The following TPO variants were observed in gnomAD, a reference collection of about 807,000 sequenced individuals.
The protein encoded by TPO is thyroid peroxidase.
A neutral mutation model predicts 96.9 loss-of-function variants in TPO; 78 were observed. The observed-to-expected ratio is 0.81, with a 90% CI of 0.67 to 0.97. TPO has a LOEUF of 0.97. Ranked by LOEUF, TPO falls within the 50% of genes least tolerant of loss-of-function variation. The probability of loss-of-function intolerance (pLI) is 0.00; values close to 1 mark genes in which losing one functional copy is unlikely to be tolerated. For synonymous variants in TPO, 547 were observed against 538.0 expected (o/e 1.02, Z -0.23); for missense variants, 1,252 against 1,274.8 (o/e 0.98, Z 0.27).
At chr2:1,388,472 A>G (rs541470458) in intron 1 of TPO, among the ~76,000 whole-genome samples, 2 of 152,278 alleles carry the variant, frequency 1.3e-5, no homozygotes, top group South Asian at 4.2e-4. Flanking sequence ...CTGTGTTAGC[A>G]GTGAGCGAGG....
intron 13 of TPO, among the ~76,000 whole-genome samples, chr2:1,498,342 C>T (rs1428971634): frequency 6.6e-6 from 1 of 152,162 alleles, no homozygotes; most frequent in African/African-American, 2.4e-5. Flanking sequence ...CCGGGAGCCA[C>T]CTTCCCATTA....
chr2:1,496,541 G>A (rs1449264301), intron 12 of TPO, 54 bp from the exon 13 acceptor site: 11 of 1,610,614 alleles, frequency 6.8e-6, no homozygotes, highest in Non-Finnish European at 8.5e-6. Flanking sequence ...ACGTTGGTGT[G>A]TGGTTTTCTT....
chr2:1,498,485 A>C (rs1170254358), intron 13 of TPO, among the ~76,000 whole-genome samples: 2 of 152,372 alleles, frequency 1.3e-5, no homozygotes, highest in Middle Eastern at 3.4e-3. Context: ...CCTGCTACAT[A>C]GGTGAGGGGG....
At chr2:1,492,498 C>T (rs1671869408) in intron 10 of TPO, among the ~76,000 whole-genome samples, 1 of 152,188 alleles carries the variant, frequency 6.6e-6, no homozygotes, top group African/African-American at 2.4e-5. Flanking sequence ...CTTCCTCTTT[C>T]ACTTTGTCCA....
intron 1 of TPO, among the ~76,000 whole-genome samples, chr2:1,400,508 G>A (rs75580608): frequency 7.5e-6 from 1 of 133,212 alleles, no homozygotes; most frequent in African/African-American, 2.9e-5. Context: ...TCCAGCCTGG[G>A]TAAAGAGCTG....
At chr2:1,469,168 G>A (rs1302238504) in intron 7 of TPO, among the ~76,000 whole-genome samples, 1 of 152,146 alleles carries the variant, frequency 6.6e-6, no homozygotes, top group African/African-American at 2.4e-5. Context: ...GTGCCTTCCT[G>A]ATTAGCTTAA....
Position 1,456,426 on chromosome 2 carries a change from C to T in TPO, c.819+144C>T, listed in dbSNP as rs373664367. 3 of 856,238 alleles carry T rather than the reference C, an allele frequency of 3.5e-6. No individual in the cohort carries two copies. The Admixed American group carries it at 6.4e-5, about 18-fold the overall frequency. 53.0% of individuals were successfully genotyped at this position (856,238 alleles called of 1,614,324 possible). On this transcript the variant is annotated intron_variant, in intron 7 of 16. Coordinates refer to ENST00000329066, the MANE Select transcript of TPO (RefSeq NM_001206744.2). ...GCAGTTGTGAATATCTGGTGCATCT[C>T]ACTGGAAATTCCCTGGGTACACGTA...
At chr2:1,527,246 C>A (rs1310775934) in intron 15 of TPO, among the ~76,000 whole-genome samples, 2 of 128,858 alleles carry the variant, frequency 1.6e-5, no homozygotes, top group Admixed American at 1.6e-4. Flanking sequence ...CCACTGTGTG[C>A]AACCTCCCCA....
chr2:1,439,003 G>A, intron 5 of TPO: 1 of 585,836 alleles, frequency 1.7e-6, no homozygotes, highest in Non-Finnish European at 3.1e-6. Context: ...TCTTTGGTTT[G>A]ATGCTTCCTG....
Position 1,450,717 on chromosome 2 carries a change from A to C in TPO, c.483-2977A>C, listed in dbSNP as rs78447231. On this transcript the variant is annotated intron_variant, in intron 5 of 16. Transcript: ENST00000329066. ...TGCCCTTGAGCCATTGTAATGTCCT[A>C]GTGAACTGCTGACATATAAAAGTCA... Among the ~76,000 whole-genome samples the C allele has an allele frequency of 3.0e-3, 457 of 152,292 alleles. 10 individuals carry two copies. Among genetic ancestry groups the C allele is most frequent in the East Asian group, 0.016 (81 of 5,156 alleles).
intron 2 of TPO, among the ~76,000 whole-genome samples, chr2:1,416,259 A>G (rs1050514558): frequency 1.7e-4 from 26 of 152,242 alleles, no homozygotes; most frequent in Non-Finnish European, 2.9e-4. Flanking sequence ...CAGTCACTCT[A>G]TCACCTGGAA....
chr2:1,378,986 A>G (rs1396925053), intron 1 of TPO, among the ~76,000 whole-genome samples: 1 of 152,170 alleles, frequency 6.6e-6, no homozygotes, highest in African/African-American at 2.4e-5. Flanking sequence ...GACTTTGGAA[A>G]TCTGAAATGT....
chr2:1,468,732 C>T (rs1373929649), intron 7 of TPO, among the ~76,000 whole-genome samples: 1 of 152,158 alleles, frequency 6.6e-6, no homozygotes, highest in African/African-American at 2.4e-5. Context: ...CTTTGAGCCT[C>T]TTGTATTTGG....
chr2:1,453,980 T>G (rs1223897024), intron 6 of TPO, among the ~76,000 whole-genome samples, 157 bp downstream of exon 6: 1 of 152,236 alleles, frequency 6.6e-6, no homozygotes. Flanking sequence ...TCACTGTTTC[T>G]GCCCTATGGC....
intron 11 of TPO, among the ~76,000 whole-genome samples, chr2:1,495,670 C>T (rs1191855364): frequency 2.0e-5 from 3 of 152,266 alleles, no homozygotes; most frequent in African/African-American, 2.4e-5. Flanking sequence ...TGTGCTGCCC[C>T]TCCACATCTC....
At chr2:1,384,613 T>C (rs1661858902) in intron 1 of TPO, among the ~76,000 whole-genome samples, 2 of 152,212 alleles carry the variant, frequency 1.3e-5, no homozygotes, top group Non-Finnish European at 2.9e-5. Context: ...GATTTTGGGC[T>C]GAGATGATGG....
At chr2:1,407,127 G>A (rs923487860) in intron 1 of TPO, among the ~76,000 whole-genome samples, 1 of 152,158 alleles carries the variant, frequency 6.6e-6, no homozygotes. Context: ...CAAGACAAAC[G>A]TTTCCACCGG....
In TPO at chr2:1,493,849, C is replaced by T. The variant is rs77428513; in HGVS notation, c.1816C>T (p.Pro606Ser). Reference sequence around the variant, plus strand: ...CTGCGGCCTGCCTCGCCTGGAGACCCCCGCTGACCTGAGCACAGCCATCGC... The same window carrying T: ...CTGCGGCCTGCCTCGCCTGGAGACCTCCGCTGACCTGAGCACAGCCATCGC... ...EFCGLPRLET[P>S]ADLSTAIASR... The change falls in exon 11 of 17, where the codon CCC becomes TCC. Residue 606 changes from proline (P) to serine (S), a missense_variant. By Grantham distance (74) the Pro-to-Ser change is moderately conservative. Coordinates refer to ENST00000329066, the MANE Select transcript of TPO (RefSeq NM_001206744.2). 9.3e-5 allele frequency: 150 copies of T among 1,614,144 alleles called. No homozygotes were observed. The African/African-American group carries it at 1.9e-3, about 20-fold the overall frequency.
At position 1,479,191 on chromosome 2, in the gene TPO, C is replaced by T. The variant is rs563096977; in HGVS notation, c.1338+1587C>T. ...CCATGAGTCTGGACTTCCGGCCACA[C>T]GCGTGGGGAGGCAGGTCCCAGACGG... On this transcript the variant is annotated intron_variant, in intron 8 of 16. Coordinates refer to ENST00000329066, the MANE Select transcript of TPO (RefSeq NM_001206744.2). 1.2e-4 allele frequency among the ~76,000 whole-genome samples: 19 copies of T among 152,358 alleles called. No individual in the cohort carries two copies. The East Asian group carries it at 1.5e-3, about 12-fold the overall frequency.
Sources: allele counts gnomAD v4.1 joint callset (sites outside exome capture counted in the v4.1 genomes callset), GRCh38; gene constraint gnomAD v4.1.1; transcripts MANE v1.5; gene names NCBI Gene and HGNC (gene_info 2026-07-23, HGNC 2026-07-21).